Variants in CADM1 observed in about 807,000 individuals in gnomAD.
CADM1 encodes cell adhesion molecule 1.
In CADM1, 15 loss-of-function variants were observed where a neutral mutation model predicts 53.1. The ratio of observed to expected loss-of-function variants is 0.28; its 90% CI spans 0.19 to 0.44. The LOEUF (loss-of-function observed/expected upper bound fraction) is 0.44, where lower values mean the gene tolerates loss of function less well. Among genes scored for constraint, CADM1 ranks in the 20% least tolerant of loss-of-function variants. The pLI, the probability that CADM1 is intolerant of heterozygous loss-of-function variation, is 1.00. For synonymous variants in CADM1, 281 were observed against 243.0 expected (o/e 1.16, Z -1.45); for missense variants, 434 against 611.3 (o/e 0.71, Z 3.06).
At chr11:115,220,325 C>CT (rs1445908165) in intron 5 of CADM1, among the ~76,000 whole-genome samples, 2 of 152,046 alleles carry the variant, frequency 1.3e-5, no homozygotes, top group Non-Finnish European at 2.9e-5. Context: ...TAGTTAAATG[C>CT]TTTTTTATGT....
intron 1 of CADM1, among the ~76,000 whole-genome samples, chr11:115,465,099 T>C (rs915613763): frequency 7.2e-5 from 11 of 152,196 alleles, no homozygotes; most frequent in African/African-American, 2.2e-4. Context: ...TTGCTTGCCA[T>C]GTACCTAGAT....
chr11:115,321,320 C>G (rs1167936015), intron 1 of CADM1, among the ~76,000 whole-genome samples: 1 of 152,100 alleles, frequency 6.6e-6, no homozygotes, highest in Admixed American at 6.6e-5. Context: ...TTTCAACATC[C>G]TATGGAGTAA....
chr11:115,327,959 C>G (rs1004114706), intron 1 of CADM1, among the ~76,000 whole-genome samples: 5 of 152,076 alleles, frequency 3.3e-5, no homozygotes, highest in Non-Finnish European at 7.4e-5. Context: ...GTCTTACACT[C>G]AGTATTTTTT....
At chr11:115,311,665 C>A (rs1944535512) in intron 1 of CADM1, among the ~76,000 whole-genome samples, 1 of 152,170 alleles carries the variant, frequency 6.6e-6, no homozygotes. Flanking sequence ...ATTATGCCCC[C>A]AGTTTGACAG....
At chr11:115,264,918 C>T (rs906122778) in intron 1 of CADM1, among the ~76,000 whole-genome samples, 3 of 152,108 alleles carry the variant, frequency 2.0e-5, no homozygotes, top group Non-Finnish European at 4.4e-5. Flanking sequence ...TACTGCCTGA[C>T]CCCATTTACT....
At chr11:115,352,817 A>C (rs983310458) in intron 1 of CADM1, among the ~76,000 whole-genome samples, 1 of 152,128 alleles carries the variant, frequency 6.6e-6, no homozygotes, top group East Asian at 1.9e-4. Context: ...AGACAGAGGT[A>C]AGTTTCACTC....
chr11:115,260,579 G>A lies in CADM1; in HGVS notation c.125-20159C>T, dbSNP rs144503503. Among the ~76,000 whole-genome samples the A allele has an allele frequency of 9.1e-3, 1,393 of 152,320 alleles. 13 individuals are homozygous for A. Among genetic ancestry groups the A allele is most frequent in the Middle Eastern group, 0.014 (4 of 294 alleles). Reference sequence around the variant, plus strand: ...GTCAAATGGCTACATGAGAATGACCGACACTGATTGATGAGGGGCTGTGCT... The same window carrying A: ...GTCAAATGGCTACATGAGAATGACCAACACTGATTGATGAGGGGCTGTGCT... On this transcript the variant is annotated intron_variant, in intron 1 of 11. Transcript: ENST00000331581.
intron 10 of CADM1, among the ~76,000 whole-genome samples, chr11:115,183,133 G>A (rs1033610323): frequency 1.3e-5 from 2 of 152,236 alleles, no homozygotes; most frequent in Non-Finnish European, 2.9e-5. Flanking sequence ...TCTAAAGGCA[G>A]TAGTTCCCCA....
At chr11:115,306,544 T>G (rs1944379733) in intron 1 of CADM1, among the ~76,000 whole-genome samples, 1 of 151,984 alleles carries the variant, frequency 6.6e-6, no homozygotes. Context: ...TTTTTCATAG[T>G]CATTGGTACA....
At chr11:115,293,397 C>A (rs992066451) in intron 1 of CADM1, among the ~76,000 whole-genome samples, 5 of 152,090 alleles carry the variant, frequency 3.3e-5, no homozygotes, top group African/African-American at 1.2e-4. Flanking sequence ...GGCGCCACTG[C>A]ACCCCAGCCT....
intron 7 of CADM1, among the ~76,000 whole-genome samples, chr11:115,212,819 C>G (rs1334072884): frequency 6.6e-6 from 1 of 152,162 alleles, no homozygotes; most frequent in Non-Finnish European, 1.5e-5. Flanking sequence ...CGTGATAATG[C>G]CTGCCTCCTG....
At chr11:115,385,933 T>C (rs1459020047) in intron 1 of CADM1, among the ~76,000 whole-genome samples, 1 of 152,234 alleles carries the variant, frequency 6.6e-6, no homozygotes, top group African/African-American at 2.4e-5. Context: ...CAAGCTACTT[T>C]ATTTCTTCCC....
chr11:115,461,197 A>T (rs1948788175), intron 1 of CADM1, among the ~76,000 whole-genome samples: 1 of 152,200 alleles, frequency 6.6e-6, no homozygotes, highest in Non-Finnish European at 1.5e-5. Context: ...TTTGTGGTTT[A>T]GTAGGGTGAT....
chr11:115,296,988 T>C (rs1944095053), intron 1 of CADM1, among the ~76,000 whole-genome samples: 2 of 152,184 alleles, frequency 1.3e-5, no homozygotes, highest in South Asian at 4.1e-4. Flanking sequence ...TTAAAACAAA[T>C]CAGTGTTTAG....
At chr11:115,431,933 C>CAT (rs1948063429) in intron 1 of CADM1, among the ~76,000 whole-genome samples, 1 of 150,202 alleles carries the variant, frequency 6.7e-6, no homozygotes, top group African/African-American at 2.4e-5. Context: ...TATATAAAAC[C>CAT]ATATATATAA....
At chr11:115,468,947 T>C (rs562183148) in intron 1 of CADM1, among the ~76,000 whole-genome samples, 1 of 152,212 alleles carries the variant, frequency 6.6e-6, no homozygotes, top group Admixed American at 6.5e-5. Flanking sequence ...CTCCCCTTTA[T>C]AAAACCATCA....
At chr11:115,194,429 C>T (rs754774058) in intron 9 of CADM1, among the ~76,000 whole-genome samples, 20 of 152,260 alleles carry the variant, frequency 1.3e-4, no homozygotes, top group Middle Eastern at 3.4e-3. Flanking sequence ...TCGTAGGGTA[C>T]GAGCATGTAG....
At chr11:115,429,378 C>T (rs187588313) in intron 1 of CADM1, among the ~76,000 whole-genome samples, 175 of 152,050 alleles carry the variant, frequency 1.2e-3, no homozygotes, top group African/African-American at 3.8e-3. Flanking sequence ...CAGGCTGAGG[C>T]GGGTGGGGAT....
intron 1 of CADM1, among the ~76,000 whole-genome samples, chr11:115,242,060 C>A (rs1425892319): frequency 6.7e-6 from 1 of 149,336 alleles, no homozygotes; most frequent in South Asian, 2.1e-4. Context: ...TAGAAATAGA[C>A]CAGCCCCTGG....
Sources: allele counts gnomAD v4.1 joint callset (sites outside exome capture counted in the v4.1 genomes callset), GRCh38; gene constraint gnomAD v4.1.1; transcripts MANE v1.5; gene names NCBI Gene and HGNC (gene_info 2026-07-23, HGNC 2026-07-21).